CWH43: variants seen among roughly 807,000 people sequenced by gnomAD.
CWH43 encodes the protein PGAP2-interacting protein.
A neutral mutation model predicts 85.7 loss-of-function variants in CWH43; 91 were observed. The ratio of observed to expected loss-of-function variants is 1.06; its 90% CI spans 0.90 to 1.26. The LOEUF is 1.26. CWH43 is among the 50% of genes most tolerant of loss of function. CWH43 has a pLI of 0.00. For synonymous variants in CWH43, 323 were observed against 293.6 expected, an observed-to-expected ratio of 1.10 and a Z score of -1.02; for missense variants, 869 against 839.2, an observed-to-expected ratio of 1.04 and a Z score of -0.44.
chr4:49,000,737 C>T (rs957482164), intron 6 of CWH43, among the ~76,000 whole-genome samples: 5 of 152,022 alleles, frequency 3.3e-5, no homozygotes, highest in Admixed American at 6.6e-5. Context: ...GTGAACCTAC[C>T]GTCTTATGCT....
chr4:49,050,667 T>A (rs1224988929), intron 14 of CWH43, 27 bp from the exon 15 acceptor site: 1 of 1,591,124 alleles, frequency 6.3e-7, no homozygotes, highest in Non-Finnish European at 8.6e-7. Context: ...ATAAAACTGT[T>A]ACAAACCATT....
intron 14 of CWH43, among the ~76,000 whole-genome samples, chr4:49,050,379 G>T (rs1784755561): frequency 6.6e-6 from 1 of 152,172 alleles, no homozygotes; most frequent in South Asian, 2.1e-4. Context: ...AAGAGTTCCT[G>T]TTATTAACTC....
chr4:49,037,053 G>A (rs1325618922), intron 12 of CWH43, among the ~76,000 whole-genome samples: 4 of 152,144 alleles, frequency 2.6e-5, no homozygotes, highest in African/African-American at 4.8e-5. Context: ...CCATCGCCTA[G>A]CTAACCAATT....
Position 48,992,861 on chromosome 4 carries a change from C to A in CWH43, c.511+771C>A, listed in dbSNP as rs1254063292. On this transcript the variant is annotated intron_variant, in intron 4 of 15. Transcript: ENST00000226432. The surrounding 1 kb of genome is among the most constrained non-coding windows in gnomAD (Gnocchi z 4.3). ...AGTGCTTGTATAATTCCCCCTGTGGCCCCTAGTTTGGCATGAAATGAGAAT... is the reference window on the plus strand; with the variant it reads ...AGTGCTTGTATAATTCCCCCTGTGGACCCTAGTTTGGCATGAAATGAGAAT... Among the ~76,000 whole-genome samples, 1 of 152,178 alleles carries A rather than the reference C, an allele frequency of 6.6e-6. No homozygotes were observed. Among genetic ancestry groups the A allele is most frequent in the Non-Finnish European group, 1.5e-5 (1 of 68,026 alleles).
chr4:49,016,969 C>A (rs1205819857), intron 8 of CWH43: 1 of 782,676 alleles, frequency 1.3e-6, no homozygotes. Context: ...CAGTTCTGCG[C>A]AGGCACAGCA....
intron 14 of CWH43, among the ~76,000 whole-genome samples, chr4:49,050,200 A>G (rs758399940): frequency 1.4e-4 from 22 of 152,234 alleles, no homozygotes; most frequent in Non-Finnish European, 2.6e-4. Context: ...AATGTCTACA[A>G]AGTGCATTGA....
Position 49,020,434 on chromosome 4 carries a change from A to T in CWH43, c.1266+3106A>T, listed in dbSNP as rs576037919. On this transcript the variant is annotated intron_variant, in intron 9 of 15. Transcript: ENST00000226432. ...ACACACACATATATATATATAAATC[A>T]TATTTTCTTTATCCACTTGTTGATT... Among the ~76,000 whole-genome samples the T allele has an allele frequency of 3.8e-5, 3 of 78,802 alleles. No homozygotes were observed. The East Asian group carries it at 8.5e-4, about 22-fold the overall frequency. 51.7% of individuals were successfully genotyped at this position (78,802 alleles called of 152,430 possible). A position where few individuals can be genotyped will look rare whatever the true frequency, so the allele number is the denominator to read the frequency against.
At chr4:48,991,091 A>C (rs1170038181) in intron 2 of CWH43, among the ~76,000 whole-genome samples, 1 of 152,198 alleles carries the variant, frequency 6.6e-6, no homozygotes, top group Non-Finnish European at 1.5e-5. Flanking sequence ...TCGCAGAGAC[A>C]GAAAATAGAT....
At chr4:49,050,255 A>C (rs1360138123) in intron 14 of CWH43, among the ~76,000 whole-genome samples, 2 of 152,182 alleles carry the variant, frequency 1.3e-5, no homozygotes, top group Admixed American at 6.5e-5. Flanking sequence ...GGGATATGGA[A>C]TTTTTTCAGA....
At chr4:48,990,324 A>G (rs980544141) in intron 2 of CWH43, among the ~76,000 whole-genome samples, 5 of 152,188 alleles carry the variant, frequency 3.3e-5, no homozygotes, top group Non-Finnish European at 5.9e-5. Context: ...GAAGTGGCCA[A>G]TCTCTGCTAA....
At position 48,992,022 on chromosome 4, in the gene CWH43, G is replaced by T; in HGVS notation, c.443G>T (p.Ser148Ile). The T allele has an allele frequency of 1.2e-6, 2 of 1,613,770 alleles. No individual in the cohort carries two copies. The highest frequency in any genetic ancestry group is 1.7e-6 in the Non-Finnish European group (2 of 1,179,694). ...IWYTSLNPIW[S>I]YQMSNKVILT... is the part of the protein sequence containing the mutation. ...TATACTTCACTAAACCCAATCTGGA[G>T]TTATCAGATGTCCAACAAAGTGATA... The change falls in exon 4 of 16, where the codon AGT becomes ATT. Residue 148 changes from serine to isoleucine, a missense_variant. Coordinates refer to ENST00000226432, the MANE Select transcript of CWH43 (RefSeq NM_025087.3). This position sits in a 1 kb window ranked among gnomAD's most constrained non-coding sequence, Gnocchi z 4.3.
At chr4:49,017,164 G>T in intron 8 of CWH43, 85 bp from the exon 9 acceptor site, 1 of 1,131,672 alleles carries the variant, frequency 8.8e-7, no homozygotes, top group Non-Finnish European at 1.3e-6. Flanking sequence ...TGGCACTGGA[G>T]CTGAGGCACT....
chr4:49,003,950 C>G lies in CWH43; in HGVS notation c.1018C>G (p.Pro340Ala). 1 of 1,613,216 alleles carries G rather than the reference C, an allele frequency of 6.2e-7. No homozygotes were observed. Among genetic ancestry groups the G allele is most frequent in the East Asian group, 2.2e-5 (1 of 44,876 alleles). Residue 340 changes from proline (P) to alanine (A), a missense_variant, in exon 7 of 16, where the codon CCA becomes GCA. Pro to Ala is a conservative substitution (Grantham distance 27, BLOSUM62 -1). Around this residue, in one of 3 missense-constraint regions of CWH43, gnomAD observed 577 missense variants for 513.1 expected, o/e 1.12. Transcript: ENST00000226432. ...CAWCTAFKFV[P>A]GGVYARERSD... ...CTGGTGCACAGCTTTTAAGTTTGTC[C>G]CAGGAGGTGTCTACGCTAGAGAAAG...
At chr4:49,041,693 G>A (rs1185973679) in intron 13 of CWH43, among the ~76,000 whole-genome samples, 1 of 152,176 alleles carries the variant, frequency 6.6e-6, no homozygotes, top group South Asian at 2.1e-4. Context: ...ATGGCACTGT[G>A]TGGTGTTTGG....
intron 5 of CWH43, among the ~76,000 whole-genome samples, chr4:48,998,015 C>G (rs1291767603): frequency 6.6e-6 from 1 of 152,148 alleles, no homozygotes; most frequent in African/African-American, 2.4e-5. Flanking sequence ...AAAAGACACA[C>G]AGCTATCAGT....
chr4:49,021,948 T>C lies in CWH43; in HGVS notation c.1266+4620T>C, dbSNP rs537903525. Among the ~76,000 whole-genome samples the C allele has an allele frequency of 3.3e-5, 5 of 152,286 alleles. No individual in the cohort carries two copies. The East Asian group carries it at 9.6e-4, about 29-fold the overall frequency. ...ATTCATTTACCAGTTCTAGGAGCTT[T>C]TTGGTGGAGTCTTTGGGGTTTTCCA... On this transcript the variant is annotated intron_variant, in intron 9 of 15. Transcript: ENST00000226432.
chr4:49,012,786 G>GA, intron 8 of CWH43, among the ~76,000 whole-genome samples: 1 of 152,106 alleles, frequency 6.6e-6, no homozygotes, highest in South Asian at 2.1e-4. Context: ...CGTTTGCCTG[G>GA]GTATCACCAG....
At chr4:49,059,743 G>A (rs934148167) in intron 15 of CWH43, among the ~76,000 whole-genome samples, 1 of 152,180 alleles carries the variant, frequency 6.6e-6, no homozygotes, top group Non-Finnish European at 1.5e-5. Context: ...GTCTCTGGGG[G>A]CCAGCCTGGT....
intron 12 of CWH43, among the ~76,000 whole-genome samples, chr4:49,034,429 A>G (rs1784201130): frequency 6.6e-6 from 1 of 152,166 alleles, no homozygotes; most frequent in South Asian, 2.1e-4. Flanking sequence ...AATAGGTTTG[A>G]AAAGGAAGAG....
Sources: gnomAD v4.1 joint callset for allele counts (sites outside exome capture counted in the v4.1 genomes callset) on GRCh38, gnomAD v4.1.1 for gene constraint, gnomAD v4.1.1 regional missense constraint, Gnocchi (gnomAD v3.1) non-coding constraint, MANE v1.5 for transcripts, NCBI Gene and HGNC (gene_info 2026-07-23, HGNC 2026-07-21) for gene names.